RAB3C: variants seen among roughly 807,000 people sequenced by gnomAD.
RAB3C encodes RAB3C, member RAS oncogene family, also known as ras-related protein Rab-3C.
Under a neutral mutation model 26.4 loss-of-function variants are expected in RAB3C, and 17 were observed. The ratio of observed to expected loss-of-function variants is 0.64; its 90% confidence interval spans 0.44 to 0.97. The LOEUF (loss-of-function observed/expected upper bound fraction) is 0.97. Ranked by LOEUF, RAB3C falls within the 50% of genes least tolerant of loss-of-function variation. The pLI is 0.00. For synonymous variants in RAB3C, 91 were observed against 95.9 expected (o/e 0.95, Z 0.30); for missense variants, 242 against 281.9 (o/e 0.86, Z 1.01).
chr5:58,708,094 G>A (rs1748983622), intron 2 of RAB3C, among the ~76,000 whole-genome samples: 3 of 151,190 alleles, frequency 2.0e-5, no homozygotes, highest in South Asian at 2.1e-4. Context: ...GGGTTTAAGC[G>A]ATCCTCCCAC....
chr5:58,693,939 A>AT (rs1748634236), intron 2 of RAB3C, among the ~76,000 whole-genome samples: 2 of 151,886 alleles, frequency 1.3e-5, no homozygotes, highest in South Asian at 4.2e-4. Context: ...TTTAATTTAT[A>AT]TTTTTTATTA....
intron 4 of RAB3C, chr5:58,846,906 G>A (rs1277738403): frequency 6.6e-6 from 1 of 151,958 alleles, no homozygotes; most frequent in East Asian, 1.9e-4. Context: ...CTTTTATTTG[G>A]TCCCTAACAT....
intron 2 of RAB3C, among the ~76,000 whole-genome samples, chr5:58,717,724 T>C (rs1381998334): frequency 6.6e-6 from 1 of 152,094 alleles, no homozygotes; most frequent in East Asian, 1.9e-4. Context: ...TGTTTACAGA[T>C]CCATGGGAAA....
chr5:58,803,991 C>T (rs1381262322), intron 3 of RAB3C, among the ~76,000 whole-genome samples: 3 of 150,634 alleles, frequency 2.0e-5, no homozygotes, highest in South Asian at 2.1e-4. Flanking sequence ...ACCTGGGAGG[C>T]GGAGGTTGCA....
intron 3 of RAB3C, among the ~76,000 whole-genome samples, chr5:58,817,386 T>A (rs1743240145): frequency 6.6e-6 from 1 of 152,186 alleles, no homozygotes; most frequent in Admixed American, 6.5e-5. Context: ...TTTCCTTTTT[T>A]AATGTGTTAT....
chr5:58,596,994 CATAAT>C (rs1392329431), intron 1 of RAB3C, among the ~76,000 whole-genome samples: 2 of 71,638 alleles, frequency 2.8e-5, no homozygotes, highest in African/African-American at 1.2e-4. Context: ...ATATATAATG[CATAAT>C]ATAATATATA....
chr5:58,766,785 C>T (rs1244963226), intron 3 of RAB3C, among the ~76,000 whole-genome samples: 8 of 152,138 alleles, frequency 5.3e-5, no homozygotes, highest in African/African-American at 1.9e-4. Context: ...CACAAAGGCA[C>T]AAGAAATACC....
chr5:58,583,099 C>A lies in RAB3C; in HGVS notation c.-110C>A. The A allele has an allele frequency of 6.4e-7, 1 of 1,573,992 alleles. No homozygotes were observed. Among genetic ancestry groups the A allele is most frequent in the Non-Finnish European group, 8.6e-7 (1 of 1,162,642 alleles). On this transcript the variant is annotated 5_prime_UTR_variant, in exon 1 of 5. Transcript: ENST00000282878. Reference sequence around the variant, plus strand: ...CAGTGCTGATGTTGGAGCCGGTTAGCGAACCCCAAGAGTGCAGAGTGTGGA... The same window carrying A: ...CAGTGCTGATGTTGGAGCCGGTTAGAGAACCCCAAGAGTGCAGAGTGTGGA...
chr5:58,681,183 TAGTG>T (rs1475546394), intron 2 of RAB3C, among the ~76,000 whole-genome samples: 1 of 152,034 alleles, frequency 6.6e-6, no homozygotes, highest in Non-Finnish European at 1.5e-5. Context: ...AAGAAGGAAA[TAGTG>T]AGGCACTGCT....
chr5:58,755,265 T>A (rs1450487313), intron 3 of RAB3C, among the ~76,000 whole-genome samples: 4 of 152,224 alleles, frequency 2.6e-5, no homozygotes, highest in Admixed American at 1.3e-4. Context: ...TTCAATGCCG[T>A]TGTAAGCCTG....
intron 1 of RAB3C, among the ~76,000 whole-genome samples, chr5:58,583,906 G>A (rs529629278): frequency 1.6e-4 from 24 of 152,230 alleles, no homozygotes; most frequent in Middle Eastern, 3.4e-3. Flanking sequence ...ACATTCTTAG[G>A]TTTGTTTCCT....
intron 2 of RAB3C, among the ~76,000 whole-genome samples, chr5:58,655,040 C>T (rs1383640687): frequency 1.3e-5 from 2 of 152,044 alleles, no homozygotes; most frequent in Admixed American, 6.5e-5. Context: ...AGATATTATA[C>T]AGAAAATAAA....
chr5:58,702,446 C>A (rs1342241855), intron 2 of RAB3C, among the ~76,000 whole-genome samples: 1 of 152,176 alleles, frequency 6.6e-6, no homozygotes, highest in Non-Finnish European at 1.5e-5. Flanking sequence ...AGGCTCAACA[C>A]AAAACATTAC....
rs901587589 is a variant in RAB3C, at chr5:58,643,362, T to G, written c.252+25492T>G. On this transcript the variant is annotated intron_variant, in intron 2 of 4. Coordinates refer to ENST00000282878, the MANE Select transcript of RAB3C (RefSeq NM_138453.4). ...TTCAGTGAATTTAGGATAAATGACA[T>G]AAGTATCAGTTGGCCGGCTTATTTT... 3.3e-5 allele frequency among the ~76,000 whole-genome samples: 5 copies of G among 152,386 alleles called. No homozygotes were observed. In the South Asian group the frequency reaches 6.2e-4, roughly 19 times the overall value.
chr5:58,755,759 G>T (rs1392438104), intron 3 of RAB3C, among the ~76,000 whole-genome samples: 1 of 152,236 alleles, frequency 6.6e-6, no homozygotes, highest in Non-Finnish European at 1.5e-5. Flanking sequence ...ACTGGTAAGT[G>T]TGGGGACTGC....
intron 3 of RAB3C, among the ~76,000 whole-genome samples, chr5:58,787,743 C>T (rs1046577560): frequency 2.0e-5 from 3 of 152,128 alleles, no homozygotes; most frequent in Non-Finnish European, 2.9e-5. Flanking sequence ...TTGGTGTGCA[C>T]GGTCCCATTT....
At chr5:58,696,480 A>G (rs1748703086) in intron 2 of RAB3C, among the ~76,000 whole-genome samples, 1 of 151,814 alleles carries the variant, frequency 6.6e-6, no homozygotes, top group Non-Finnish European at 1.5e-5. Flanking sequence ...ATTGATTGGA[A>G]GTTTCAGAAG....
chr5:58,702,554 T>A lies in RAB3C; in HGVS notation c.253-23448T>A, dbSNP rs80051289. Among the ~76,000 whole-genome samples the A allele has an allele frequency of 5.3e-3, 793 of 150,362 alleles. 7 individuals are homozygous for A. The highest frequency in any genetic ancestry group is 0.018 in the African/African-American group (744 of 40,712). On this transcript the variant is annotated intron_variant, in intron 2 of 4. Transcript: ENST00000282878. The stretch of plus-strand genomic sequence containing the variant: ...CTCTGTTATAGCACTTGCCAGGTAG[T>A]CTCTCATTCTCCTTTCTCTCTCTCT...
chr5:58,650,423 T>C (rs1747619909), intron 2 of RAB3C, among the ~76,000 whole-genome samples: 1 of 152,104 alleles, frequency 6.6e-6, no homozygotes, highest in African/African-American at 2.4e-5. Context: ...GTCAAGAAAC[T>C]TGAAAAGAAC....
Sources: allele counts gnomAD v4.1 joint callset (sites outside exome capture counted in the v4.1 genomes callset), GRCh38; gene constraint gnomAD v4.1.1; transcripts MANE v1.5; gene names NCBI Gene and HGNC (gene_info 2026-07-23, HGNC 2026-07-21).